The following MOSMO variants were observed in gnomAD, a reference collection of about 807,000 sequenced individuals.
MOSMO encodes modulator of smoothened protein.
In MOSMO, 5 loss-of-function variants were observed where a neutral mutation model predicts 18.4. The ratio of observed to expected loss-of-function variants is 0.27; its 90% CI spans 0.14 to 0.57. The LOEUF (loss-of-function observed/expected upper bound fraction) is 0.57. MOSMO is among the 20% of genes least tolerant of loss of function. The pLI is 0.92. For missense variants in MOSMO, 138 were observed against 211.8 expected, an observed-to-expected ratio of 0.65 and a Z score of 2.16; for synonymous variants, 82 against 82.3, an observed-to-expected ratio of 1.00 and a Z score of 0.02.
At chr16:22,042,761 G>A (rs530363938) in intron 1 of MOSMO, among the ~76,000 whole-genome samples, 5 of 152,270 alleles carry the variant, frequency 3.3e-5, no homozygotes, top group African/African-American at 1.2e-4. Context: ...CTCCAGGCTC[G>A]CAAAAACGGG....
At chr16:22,090,729 GTC>G (rs898808074), downstream of MOSMO, among the ~76,000 whole-genome samples, 4 of 152,218 alleles carry the variant, frequency 2.6e-5, no homozygotes, top group African/African-American at 9.6e-5. Flanking sequence ...TAGGAGAAAT[GTC>G]TGTTGTGCTC....
chr16:22,075,305 A>G (rs549508881), intron 1 of MOSMO, 182 bp from the exon 2 acceptor site: 22 of 693,400 alleles, frequency 3.2e-5, no homozygotes, highest in Non-Finnish European at 4.7e-5. Context: ...TTCACTTTGT[A>G]TGTTAAACTA....
chr16:22,011,910 G>A (rs1055067940), intron 1 of MOSMO, among the ~76,000 whole-genome samples: 15 of 139,214 alleles, frequency 1.1e-4, no homozygotes, highest in Non-Finnish European at 1.8e-4. Context: ...TCTCACCTGA[G>A]CAGGCAGATG....
At chr16:22,091,277 G>A (rs1484972386), downstream of MOSMO, among the ~76,000 whole-genome samples, 3 of 152,182 alleles carry the variant, frequency 2.0e-5, no homozygotes, top group African/African-American at 7.2e-5. Context: ...TTGATAAGGA[G>A]TTTCTATTTT....
downstream of MOSMO, among the ~76,000 whole-genome samples, chr16:22,091,238 A>G (rs1230857289): frequency 6.6e-6 from 1 of 152,136 alleles, no homozygotes; most frequent in African/African-American, 2.4e-5. Context: ...GGTCTTATAC[A>G]TGGTGCTCTC....
chr16:22,047,959 A>C (rs746399291), intron 1 of MOSMO, among the ~76,000 whole-genome samples: 6 of 152,152 alleles, frequency 3.9e-5, no homozygotes, highest in Admixed American at 1.3e-4. Context: ...AGGCCCTGGT[A>C]CTCCCATGTA....
chr16:22,008,187 G>A lies in MOSMO; in HGVS notation c.-115G>A. On this transcript the variant is annotated 5_prime_UTR_variant, in exon 1 of 3. Coordinates refer to ENST00000542527, the MANE Select transcript of MOSMO (RefSeq NM_001164579.2). The stretch of plus-strand genomic sequence containing the variant: ...GGCGCGAGCGGCGCGCGGGGGCCGA[G>A]GGGGCGCGAGGCAGCGGCGCGGGGA... The A allele has an allele frequency of 3.4e-6, 1 of 295,984 alleles. No individual in the cohort carries two copies. The highest frequency in any genetic ancestry group is 5.3e-6 in the Non-Finnish European group (1 of 188,856). 18.3% of individuals were successfully genotyped at this position (295,984 alleles called of 1,614,324 possible). A position where few individuals can be genotyped will look rare whatever the true frequency, so the allele number is the denominator to read the frequency against.
intron 1 of MOSMO, among the ~76,000 whole-genome samples, chr16:22,051,997 T>C (rs1289552880): frequency 3.9e-5 from 6 of 152,178 alleles, no homozygotes; most frequent in Non-Finnish European, 8.8e-5. Context: ...GTTTTTTTCC[T>C]ATATATATGT....
intron 1 of MOSMO, among the ~76,000 whole-genome samples, chr16:22,031,100 C>T (rs554802527): frequency 2.0e-5 from 3 of 152,106 alleles, no homozygotes; most frequent in Admixed American, 6.5e-5. Flanking sequence ...AGGTTAGAAA[C>T]GACTACATAG....
chr16:22,013,731 T>C (rs966609750), intron 1 of MOSMO, among the ~76,000 whole-genome samples: 2 of 152,114 alleles, frequency 1.3e-5, no homozygotes, highest in African/African-American at 2.4e-5. Context: ...TGAAAGAACT[T>C]CTCCCTTATG....
intron 1 of MOSMO, among the ~76,000 whole-genome samples, chr16:22,052,864 A>C (rs532572736): frequency 1.3e-5 from 2 of 152,122 alleles, no homozygotes; most frequent in African/African-American, 2.4e-5. Context: ...GCACAAAATC[A>C]AGGAGAGTGG....
At chr16:22,079,396 T>C (rs1901035210) in intron 2 of MOSMO, among the ~76,000 whole-genome samples, 1 of 152,194 alleles carries the variant, frequency 6.6e-6, no homozygotes, top group African/African-American at 2.4e-5. Flanking sequence ...AGCAATATGC[T>C]TTCAAAAAGC....
At chr16:22,077,876 TG>T (rs1901001002) in intron 2 of MOSMO, among the ~76,000 whole-genome samples, 2 of 152,294 alleles carry the variant, frequency 1.3e-5, no homozygotes, top group South Asian at 4.2e-4. Context: ...AACGAGTGGC[TG>T]GGGTGACAGT....
chr16:22,011,456 A>G (rs1024929503), intron 1 of MOSMO, among the ~76,000 whole-genome samples: 1 of 152,230 alleles, frequency 6.6e-6, no homozygotes, highest in African/African-American at 2.4e-5. Context: ...TCAGCTGGAT[A>G]AAGAGTGAAA....
Position 22,083,177 on chromosome 16 carries a change from A to G in MOSMO, c.*2297A>G, listed in dbSNP as rs1901113395. On this transcript the variant is annotated 3_prime_UTR_variant, in exon 3 of 3. Coordinates refer to ENST00000542527, the MANE Select transcript of MOSMO (RefSeq NM_001164579.2). ...TTCTCAAAATATTTTTAACTGGATC[A>G]TGAGCATGGGGAGAGAAAGTTTCTC... 1 of 152,284 alleles carries G rather than the reference A, an allele frequency of 6.6e-6. No homozygotes were observed. The highest frequency in any genetic ancestry group is 1.5e-5 in the Non-Finnish European group (1 of 68,080). The allele number at this position is 152,284 out of a possible 1,614,324, so 9.4% of individuals were successfully genotyped here.
At chr16:22,089,814 A>G (rs1486930538), downstream of MOSMO, among the ~76,000 whole-genome samples, 5 of 152,104 alleles carry the variant, frequency 3.3e-5, no homozygotes, top group East Asian at 9.7e-4. Context: ...TTTCTCTTAG[A>G]TATTGCCATC....
chr16:22,024,857 A>G (rs1016220549), intron 1 of MOSMO, among the ~76,000 whole-genome samples: 2 of 152,016 alleles, frequency 1.3e-5, no homozygotes, highest in African/African-American at 4.8e-5. Flanking sequence ...TTCAAATTCT[A>G]CCTGTTCTGT....
chr16:22,031,414 CA>C (rs1190166765), intron 1 of MOSMO, among the ~76,000 whole-genome samples: 1 of 152,122 alleles, frequency 6.6e-6, no homozygotes, highest in African/African-American at 2.4e-5. Flanking sequence ...TTAAAGTGTA[CA>C]TTTCATTGTT....
At chr16:22,063,501 A>G (rs1567512299) in intron 1 of MOSMO, among the ~76,000 whole-genome samples, 1 of 152,216 alleles carries the variant, frequency 6.6e-6, no homozygotes. Flanking sequence ...GTTCATTTTG[A>G]TGTCTGAGAG....
Sources: gnomAD v4.1 joint callset for allele counts (sites outside exome capture counted in the v4.1 genomes callset) on GRCh38, gnomAD v4.1.1 for gene constraint, MANE v1.5 for transcripts, NCBI Gene and HGNC (gene_info 2026-07-23, HGNC 2026-07-21) for gene names.